LRMDA: variants seen among roughly 807,000 people sequenced by gnomAD.
LRMDA encodes leucine-rich melanocyte differentiation-associated protein.
Under a neutral mutation model 29.8 loss-of-function variants are expected in LRMDA, and 18 were observed. The ratio of observed to expected loss-of-function variants is 0.60; its 90% CI spans 0.42 to 0.90. The LOEUF is 0.90. LRMDA is among the 40% of genes least tolerant of loss of function. LRMDA has a pLI of 0.00. For synonymous variants in LRMDA, 125 were observed against 109.4 expected, an observed-to-expected ratio of 1.14 and a Z score of -0.89; for missense variants, 273 against 273.9, an observed-to-expected ratio of 1.00 and a Z score of 0.02.
intron 5 of LRMDA, among the ~76,000 whole-genome samples, chr10:76,132,987 T>TTTTTTTTTTC (rs1850024629): frequency 7.2e-6 from 1 of 139,604 alleles, no homozygotes; most frequent in African/African-American, 2.7e-5. Context: ...TTTTTTTTTT[T>TTTTTTTTTTC]TTTTTTTGTA....
intron 6 of LRMDA, among the ~76,000 whole-genome samples, chr10:76,361,046 A>G (rs370970640): frequency 6.6e-6 from 1 of 152,226 alleles, no homozygotes. Context: ...GGATCGCTGG[A>G]CGTCAGGAGT....
chr10:75,846,249 A>G (rs1239511622), intron 2 of LRMDA, among the ~76,000 whole-genome samples: 2 of 151,470 alleles, frequency 1.3e-5, no homozygotes, highest in African/African-American at 4.9e-5. Context: ...AGCAGGATAT[A>G]AGCAGACCCC....
intron 5 of LRMDA, among the ~76,000 whole-genome samples, chr10:76,179,442 C>A (rs562472067): frequency 5.1e-4 from 77 of 152,232 alleles, no homozygotes; most frequent in African/African-American, 1.6e-3. Flanking sequence ...AGTTCCATAG[C>A]TGGCATACTT....
At chr10:75,617,576 T>C (rs961236586) in intron 2 of LRMDA, among the ~76,000 whole-genome samples, 3 of 152,224 alleles carry the variant, frequency 2.0e-5, no homozygotes, top group Non-Finnish European at 2.9e-5. Flanking sequence ...TCTTTTTAGT[T>C]TGGCACTCAC....
intron 2 of LRMDA, among the ~76,000 whole-genome samples, chr10:75,970,301 A>C (rs774535513): frequency 2.0e-5 from 3 of 152,230 alleles, no homozygotes; most frequent in Non-Finnish European, 4.4e-5. Context: ...CACCCATAAA[A>C]GAAAGAGATG....
intron 2 of LRMDA, among the ~76,000 whole-genome samples, chr10:75,675,221 T>G (rs1046850546): frequency 1.3e-5 from 2 of 152,232 alleles, no homozygotes; most frequent in African/African-American, 4.8e-5. Context: ...AAATACATAC[T>G]CAACACTGGG....
intron 1 of LRMDA, among the ~76,000 whole-genome samples, chr10:75,436,056 T>TA (rs201038266): frequency 0.014 from 1,766 of 126,988 alleles, 10 homozygotes; most frequent in Middle Eastern, 0.057. Context: ...CCCATCTCTT[T>TA]AAAAAAAAAA....
intron 6 of LRMDA, among the ~76,000 whole-genome samples, chr10:76,395,150 C>T (rs538066654): frequency 6.6e-6 from 1 of 152,282 alleles, no homozygotes; most frequent in East Asian, 1.9e-4. Context: ...AGAATAACTA[C>T]AGGAGGAGCA....
chr10:75,698,397 G>A (rs1461320610), intron 2 of LRMDA, among the ~76,000 whole-genome samples: 1 of 152,198 alleles, frequency 6.6e-6, no homozygotes, highest in African/African-American at 2.4e-5. Context: ...TGTACCCAGG[G>A]AATATCTCAT....
chr10:76,234,305 A>T (rs1227506201), intron 5 of LRMDA, among the ~76,000 whole-genome samples: 2 of 152,172 alleles, frequency 1.3e-5, no homozygotes, highest in South Asian at 2.1e-4. Flanking sequence ...GCTTAAATTA[A>T]TATTTAAGTA....
chr10:76,416,606 A>G (rs1842017435), intron 6 of LRMDA, among the ~76,000 whole-genome samples: 1 of 152,228 alleles, frequency 6.6e-6, no homozygotes, highest in South Asian at 2.1e-4. Flanking sequence ...AACAAATCAA[A>G]ACAAAAACCA....
At chr10:76,228,479 T>C (rs917247751) in intron 5 of LRMDA, among the ~76,000 whole-genome samples, 7 of 152,080 alleles carry the variant, frequency 4.6e-5, no homozygotes, top group African/African-American at 7.2e-5. Context: ...CCAGAATTCA[T>C]AGGATTGGCG....
chr10:76,122,402 T>C (rs1564658513), intron 5 of LRMDA, among the ~76,000 whole-genome samples: 1 of 152,036 alleles, frequency 6.6e-6, no homozygotes, highest in East Asian at 1.9e-4. Flanking sequence ...TTTTAAGACT[T>C]TGGAACTGGG....
chr10:76,050,292 C>T (rs905289405), intron 4 of LRMDA, among the ~76,000 whole-genome samples: 1 of 152,306 alleles, frequency 6.6e-6, no homozygotes, highest in Middle Eastern at 3.4e-3. Flanking sequence ...CTTTCCTCCC[C>T]TCCTCCCAAA....
intron 2 of LRMDA, among the ~76,000 whole-genome samples, chr10:76,029,943 T>G (rs1848121575): frequency 6.6e-6 from 1 of 152,192 alleles, no homozygotes; most frequent in Non-Finnish European, 1.5e-5. Flanking sequence ...TTGCCCAGGC[T>G]GGAGTGCAGT....
chr10:75,534,977 C>T (rs528294108), intron 2 of LRMDA, among the ~76,000 whole-genome samples: 29 of 152,172 alleles, frequency 1.9e-4, no homozygotes, highest in African/African-American at 7.0e-4. Context: ...AAACTCAGAA[C>T]CCCAAATAAA....
At chr10:76,465,930 T>C (rs1197881397) in intron 6 of LRMDA, among the ~76,000 whole-genome samples, 2 of 152,150 alleles carry the variant, frequency 1.3e-5, no homozygotes, top group Admixed American at 6.5e-5. Context: ...TTATATGGGA[T>C]TAGGGCCCAC....
intron 5 of LRMDA, among the ~76,000 whole-genome samples, chr10:76,188,935 TACACACACAC>T (rs3998129): frequency 0.14 from 19,207 of 141,676 alleles, 1,949 homozygotes; most frequent in African/African-American, 0.29. Flanking sequence ...TGATTGCATG[TACACACACAC>T]ACACACACAC....
rs141131236 is a variant in LRMDA at position 76,365,107 on chromosome 10, T to TATATATATATATATATATATATATACAC, written c.601+40623_601+40624insTATATATATATATATATATATATACACA. The stretch of plus-strand genomic sequence containing the variant: ...ACACATATATATATATATATATATA[T>TATATATATATATATATATATATATACAC]ACACACACACACATACACACCACAG... On this transcript the variant is annotated intron_variant, in intron 6 of 6. Coordinates refer to ENST00000611255, the MANE Select transcript of LRMDA (RefSeq NM_001305581.2). 5.8e-3 allele frequency among the ~76,000 whole-genome samples: 354 copies of TATATATATATATATATATATATATACAC among 60,952 alleles called. 21 individuals are homozygous for TATATATATATATATATATATATATACAC. The highest frequency in any genetic ancestry group is 0.011 in the Non-Finnish European group (255 of 22,886). 40.0% of individuals were successfully genotyped at this position (60,952 alleles called of 152,430 possible).
Sources: allele counts gnomAD v4.1 joint callset (sites outside exome capture counted in the v4.1 genomes callset), GRCh38; gene constraint gnomAD v4.1.1; transcripts MANE v1.5; gene names NCBI Gene and HGNC (gene_info 2026-07-23, HGNC 2026-07-21).